Variants in MDGA2 observed in about 807,000 individuals in gnomAD.
The protein encoded by MDGA2 is MAM domain-containing glycosylphosphatidylinositol anchor protein 2.
Under a neutral mutation model 117.8 loss-of-function variants are expected in MDGA2, and 40 were observed. The ratio of observed to expected loss-of-function variants is 0.34; its 90% CI spans 0.26 to 0.44. The LOEUF (loss-of-function observed/expected upper bound fraction) is 0.44, where lower values mean the gene tolerates loss of function less well. Among genes scored for constraint, MDGA2 ranks in the 20% least tolerant of loss-of-function variants. The pLI, the probability that MDGA2 is intolerant of heterozygous loss-of-function variation, is 1.00. For synonymous variants in MDGA2, 452 were observed against 439.0 expected (o/e 1.03, Z -0.37); for missense variants, 1,123 against 1,250.6 (o/e 0.90, Z 1.54).
Position 47,618,151 on chromosome 14 carries a change from C to T in MDGA2, c.280+56366G>A, listed in dbSNP as rs971728768. On this transcript the variant is annotated intron_variant, in intron 1 of 16. Coordinates refer to ENST00000399232, the MANE Select transcript of MDGA2 (RefSeq NM_001113498.3). ...ACAAGGATAAACATATGCATAAATA[C>T]AAATAACTGTACTAGCTTGAGATGC... 5.1e-4 allele frequency among the ~76,000 whole-genome samples: 77 copies of T among 152,190 alleles called. 3 individuals carry two copies. Among genetic ancestry groups the T allele is most frequent in the Admixed American group, 3.9e-4 (6 of 15,278 alleles).
At chr14:47,370,318 A>AG in intron 1 of MDGA2, among the ~76,000 whole-genome samples, 1 of 151,218 alleles carries the variant, frequency 6.6e-6, no homozygotes. Flanking sequence ...TGAATAAAAA[A>AG]AAAAGCAGAT....
chr14:47,290,028 T>A (rs1042048456), intron 2 of MDGA2, among the ~76,000 whole-genome samples: 1 of 152,200 alleles, frequency 6.6e-6, no homozygotes, highest in Non-Finnish European at 1.5e-5. Context: ...CAAAATTCCT[T>A]GTGCATGAAC....
At position 46,920,033 on chromosome 14, in the gene MDGA2, T is replaced by G; in HGVS notation, c.2217A>C (p.Ala739=). 2 of 1,584,552 alleles carry G rather than the reference T, an allele frequency of 1.3e-6. No individual in the cohort carries two copies. Among genetic ancestry groups the G allele is most frequent in the African/African-American group, 1.4e-5 (1 of 73,394 alleles). Residue 739 remains alanine (A), a synonymous_variant, in exon 10 of 17, where the codon GCA becomes GCC. Coordinates refer to ENST00000399232, the MANE Select transcript of MDGA2 (RefSeq NM_001113498.3). The stretch of plus-strand genomic sequence containing the variant: ...TCACCTGCCTGATGCCCAACCGGTA[T>G]GCAACAATCCGATCCACTGCATCAG... ...MNPDAVDRIV[A]YRLGIRQAGQ...
chr14:47,017,258 CT>C (rs1318268031), intron 8 of MDGA2, among the ~76,000 whole-genome samples: 1 of 148,846 alleles, frequency 6.7e-6, no homozygotes, highest in African/African-American at 2.5e-5. Context: ...ATAAGGGCCT[CT>C]GACCCAGAGG....
chr14:47,171,276 CTA>C (rs1375624832), intron 3 of MDGA2, among the ~76,000 whole-genome samples: 1 of 151,938 alleles, frequency 6.6e-6, no homozygotes, highest in Non-Finnish European at 1.5e-5. Context: ...ATAATACAAA[CTA>C]TTTTTTTTGC....
At chr14:47,181,755 A>C (rs1163728438) in intron 3 of MDGA2, among the ~76,000 whole-genome samples, 1 of 152,020 alleles carries the variant, frequency 6.6e-6, no homozygotes, top group Non-Finnish European at 1.5e-5. Context: ...TTCTATTTTC[A>C]TATTTTGCTT....
Position 47,622,994 on chromosome 14 carries a change from G to A in MDGA2, c.280+51523C>T, listed in dbSNP as rs985718371. Among the ~76,000 whole-genome samples the A allele has an allele frequency of 7.6e-4, 116 of 152,108 alleles. 1 individual carries two copies. Among genetic ancestry groups the A allele is most frequent in the Non-Finnish European group, 8.8e-5 (6 of 68,032 alleles). ...GGTAGGGTTTGAATGCATCCCTAAA[G>A]TTCACGTATTGGAAAAAAATCCCCA... is the stretch of plus-strand genomic sequence containing the variant. On this transcript the variant is annotated intron_variant, in intron 1 of 16. Transcript: ENST00000399232.
chr14:47,237,079 T>C (rs556028204), intron 2 of MDGA2, among the ~76,000 whole-genome samples: 1 of 152,188 alleles, frequency 6.6e-6, no homozygotes, highest in African/African-American at 2.4e-5. Flanking sequence ...GTCTTCCCTA[T>C]CCCACAACCT....
chr14:46,850,012 A>G (rs1256255112), intron 15 of MDGA2, among the ~76,000 whole-genome samples: 1 of 151,870 alleles, frequency 6.6e-6, no homozygotes, highest in Non-Finnish European at 1.5e-5. Flanking sequence ...CTATTATTTA[A>G]AATTATTTCC....
At chr14:47,589,021 T>C (rs1896386313) in intron 1 of MDGA2, among the ~76,000 whole-genome samples, 1 of 151,908 alleles carries the variant, frequency 6.6e-6, no homozygotes, top group East Asian at 1.9e-4. Context: ...GCCTTGTTTT[T>C]TCTCTTGTAA....
intron 1 of MDGA2, among the ~76,000 whole-genome samples, chr14:47,655,822 G>A (rs1420166207): frequency 6.6e-6 from 1 of 152,066 alleles, no homozygotes; most frequent in Non-Finnish European, 1.5e-5. Flanking sequence ...TGTGGCTTAG[G>A]GCAGTTAAAG....
At chr14:47,305,009 G>A (rs17672155) in intron 1 of MDGA2, among the ~76,000 whole-genome samples, 23,129 of 151,976 alleles carry the variant, frequency 0.15, 1,921 homozygotes, top group Middle Eastern at 0.22. Flanking sequence ...ATTCAAACAC[G>A]ATAGTAAGCA....
At chr14:46,923,495 T>G (rs889933498) in intron 9 of MDGA2, among the ~76,000 whole-genome samples, 4 of 152,108 alleles carry the variant, frequency 2.6e-5, no homozygotes, top group African/African-American at 9.7e-5. Flanking sequence ...AAGTTTTTTT[T>G]AGTTGAATAA....
intron 1 of MDGA2, among the ~76,000 whole-genome samples, chr14:47,622,020 T>A (rs1194559628): frequency 6.6e-6 from 1 of 152,204 alleles, no homozygotes. Context: ...GCTTGTAACA[T>A]AGTAAGTATT....
At chr14:47,593,821 C>T (rs1335039389) in intron 1 of MDGA2, among the ~76,000 whole-genome samples, 2 of 152,070 alleles carry the variant, frequency 1.3e-5, no homozygotes, top group African/African-American at 4.8e-5. Flanking sequence ...ACCACCATGG[C>T]ACACGTTTAC....
chr14:47,641,030 C>T (rs776566754), intron 1 of MDGA2, among the ~76,000 whole-genome samples: 1 of 151,992 alleles, frequency 6.6e-6, no homozygotes, highest in Non-Finnish European at 1.5e-5. Context: ...ACTCAAGTAG[C>T]TCCTCAATGG....
intron 10 of MDGA2, among the ~76,000 whole-genome samples, chr14:46,898,100 T>A (rs2138437185): frequency 6.6e-6 from 1 of 152,086 alleles, no homozygotes; most frequent in East Asian, 1.9e-4. Flanking sequence ...AATGAAAAGA[T>A]AAATGCATGG....
intron 6 of MDGA2, among the ~76,000 whole-genome samples, chr14:47,081,129 T>A (rs2138890149): frequency 6.6e-6 from 1 of 152,282 alleles, no homozygotes; most frequent in South Asian, 2.1e-4. Flanking sequence ...CACCTTCATT[T>A]TTAAAATTTC....
chr14:46,871,701 T>C (rs1367240523), intron 14 of MDGA2: 1 of 159,282 alleles, frequency 6.3e-6, no homozygotes, highest in Non-Finnish European at 1.4e-5. Context: ...ACTACAGCTT[T>C]CTGAAATAAG....
Sources: gnomAD v4.1 joint callset for allele counts (sites outside exome capture counted in the v4.1 genomes callset) on GRCh38, gnomAD v4.1.1 for gene constraint, MANE v1.5 for transcripts, NCBI Gene and HGNC (gene_info 2026-07-23, HGNC 2026-07-21) for gene names.